NEDD4: variants seen among roughly 807,000 people sequenced by gnomAD.
NEDD4 encodes the protein NEDD4 E3 ubiquitin protein ligase, also known as E3 ubiquitin-protein ligase NEDD4.
In NEDD4, 99 loss-of-function variants were observed where a neutral mutation model predicts 144.9. That is an observed-to-expected ratio of 0.68 (90% CI 0.58 to 0.81). The LOEUF is 0.81. NEDD4 is among the 30% of genes least tolerant of loss of function. The pLI is 0.00. For missense variants in NEDD4, 985 were observed against 1,065.9 expected, an observed-to-expected ratio of 0.92 and a Z score of 1.06; for synonymous variants, 318 against 350.6, an observed-to-expected ratio of 0.91 and a Z score of 1.04.
At chr15:55,930,117 GT>G (rs1433538851) in intron 4 of NEDD4, among the ~76,000 whole-genome samples, 1 of 150,852 alleles carries the variant, frequency 6.6e-6, no homozygotes, top group Non-Finnish European at 1.5e-5. Flanking sequence ...ATTATGGCTT[GT>G]GTGCTAAATC....
At chr15:55,985,409 G>T (rs1390979816) in intron 1 of NEDD4, among the ~76,000 whole-genome samples, 1 of 152,190 alleles carries the variant, frequency 6.6e-6, no homozygotes, top group Non-Finnish European at 1.5e-5. Flanking sequence ...ACTGGCAAGG[G>T]TACTGAGGAG....
intron 5 of NEDD4, among the ~76,000 whole-genome samples, chr15:55,883,710 C>A (rs1475384280): frequency 6.7e-6 from 1 of 149,314 alleles, no homozygotes; most frequent in Non-Finnish European, 1.5e-5. Context: ...CACACACACA[C>A]ACACACACAC....
At chr15:55,900,984 T>C (rs1197474734) in intron 5 of NEDD4, among the ~76,000 whole-genome samples, 5 of 152,184 alleles carry the variant, frequency 3.3e-5, no homozygotes, top group African/African-American at 1.2e-4. Context: ...GATGTTTATT[T>C]TAATGTTTTC....
chr15:55,905,040 C>T lies in NEDD4; in HGVS notation c.291+19606G>A, dbSNP rs542308949. The stretch of plus-strand genomic sequence containing the variant: ...CCAGGAGGCAGAGGCTGCAGTGAGC[C>T]GAGATCGTGCCATTGTACTCCAGCC... On this transcript the variant is annotated intron_variant, in intron 5 of 28. Transcript: ENST00000435532. 8.0e-4 allele frequency among the ~76,000 whole-genome samples: 120 copies of T among 149,194 alleles called. 1 individual carries two copies. Among genetic ancestry groups the T allele is most frequent in the Admixed American group, 5.6e-3 (83 of 14,822 alleles).
intron 27 of NEDD4, among the ~76,000 whole-genome samples, chr15:55,831,839 G>A (rs1019721226): frequency 1.6e-4 from 24 of 152,154 alleles, no homozygotes; most frequent in Non-Finnish European, 3.4e-4. Context: ...CTTACTCATT[G>A]TTCTGAGTAG....
chr15:55,831,753 C>A (rs1281240067), intron 27 of NEDD4, among the ~76,000 whole-genome samples: 1 of 152,120 alleles, frequency 6.6e-6, no homozygotes, highest in Non-Finnish European at 1.5e-5. Context: ...TGGTCAGCTT[C>A]TATTTGCACA....
intron 5 of NEDD4, among the ~76,000 whole-genome samples, chr15:55,874,740 G>A (rs1308026174): frequency 6.6e-6 from 1 of 152,150 alleles, no homozygotes; most frequent in African/African-American, 2.4e-5. Flanking sequence ...TTGGGAGGCC[G>A]AGGTGGGCGG....
chr15:55,828,024 T>C lies in NEDD4; in HGVS notation c.*1873A>G, dbSNP rs1219815967. ...GTTAAGTAAGCTGCTTCAGTTCACATGGCTGGTGAGATATCAAACCAGGAC... is the reference window on the plus strand; with the variant it reads ...GTTAAGTAAGCTGCTTCAGTTCACACGGCTGGTGAGATATCAAACCAGGAC... On this transcript the variant is annotated 3_prime_UTR_variant, in exon 29 of 29. Transcript: ENST00000435532. The C allele has an allele frequency of 6.6e-6, 1 of 152,224 alleles. No individual in the cohort carries two copies. Among genetic ancestry groups the C allele is most frequent in the Non-Finnish European group, 1.5e-5 (1 of 68,050 alleles). 9.4% of individuals were successfully genotyped at this position (152,224 alleles called of 1,614,324 possible).
At chr15:55,833,396 G>T (rs1327304935) in intron 26 of NEDD4, among the ~76,000 whole-genome samples, 5 of 152,096 alleles carry the variant, frequency 3.3e-5, no homozygotes, top group Non-Finnish European at 7.4e-5. Flanking sequence ...AGTGGCTCAT[G>T]CCTATAATCC....
In NEDD4 at chr15:55,839,994, AAAAAAATATATATATATATATATATATAT is replaced by A. The variant is rs1417265742; in HGVS notation, c.2031+424_2031+452del. Among the ~76,000 whole-genome samples the A allele has an allele frequency of 2.4e-3, 96 of 39,306 alleles. 7 individuals are homozygous for A. The highest frequency in any genetic ancestry group is 0.014 in the East Asian group (13 of 924). The allele number at this position is 39,306 out of a possible 152,430, so 25.8% of individuals were successfully genotyped here. A position where few individuals can be genotyped will look rare whatever the true frequency, so the allele number is the denominator to read the frequency against. On this transcript the variant is annotated intron_variant, in intron 21 of 28. Transcript: ENST00000435532. ...GTCTCAAAAAAAAAAAAAAAAAAAAAAAAAAATATATATATATATATATATATATATATATATATATATATATAACATTC... is the reference window on the plus strand; with the variant it reads ...GTCTCAAAAAAAAAAAAAAAAAAAAAATATATATATATATATATAACATTC...
intron 7 of NEDD4, among the ~76,000 whole-genome samples, chr15:55,869,970 T>G (rs1055056243): frequency 1.1e-4 from 17 of 152,082 alleles, no homozygotes; most frequent in Admixed American, 2.6e-4. Flanking sequence ...AGCTGGCCTT[T>G]GAGTTGGGGT....
At chr15:55,909,377 C>T (rs2142185893) in intron 5 of NEDD4, among the ~76,000 whole-genome samples, 1 of 152,302 alleles carries the variant, frequency 6.6e-6, no homozygotes. Context: ...TCTCATTGAA[C>T]TGGGACAGAT....
At chr15:55,956,154 T>C (rs1221964940) in intron 2 of NEDD4, among the ~76,000 whole-genome samples, 3 of 152,114 alleles carry the variant, frequency 2.0e-5, no homozygotes, top group South Asian at 2.1e-4. Context: ...TGTGGGTACA[T>C]AGTAGGTGTA....
At chr15:55,988,474 TAAAAAAAAAAATTAA>T (rs2037932824) in intron 1 of NEDD4, among the ~76,000 whole-genome samples, 3 of 37,736 alleles carry the variant, frequency 7.9e-5, no homozygotes, top group African/African-American at 2.8e-4. Flanking sequence ...TAGAGTATAA[TAAAAAAAAAAATTAA>T]AAAAAAAAAA....
At chr15:55,964,559 A>G (rs57472279) in intron 2 of NEDD4, among the ~76,000 whole-genome samples, 20,419 of 151,490 alleles carry the variant, frequency 0.13, 1,491 homozygotes, top group East Asian at 0.32. Context: ...AATGCCTTCC[A>G]TTTTCCTGGT....
chr15:55,884,483 A>G (rs1423439866), intron 5 of NEDD4, among the ~76,000 whole-genome samples: 1 of 152,200 alleles, frequency 6.6e-6, no homozygotes, highest in Non-Finnish European at 1.5e-5. Flanking sequence ...AGAAACAGAG[A>G]TATATGTGAC....
At chr15:55,911,167 G>C (rs1224099380) in intron 5 of NEDD4, among the ~76,000 whole-genome samples, 1 of 152,140 alleles carries the variant, frequency 6.6e-6, no homozygotes, top group Admixed American at 6.5e-5. Flanking sequence ...TTTGCCCCTA[G>C]GGGACATCTG....
chr15:55,931,951 T>C (rs538619387), intron 4 of NEDD4, among the ~76,000 whole-genome samples: 3 of 152,340 alleles, frequency 2.0e-5, no homozygotes, highest in East Asian at 1.9e-4. Context: ...ATCTACTTTC[T>C]GTCTCCATAG....
chr15:55,944,993 AACCCCATCTGTATGTCACG>A (rs1357739317), intron 4 of NEDD4, among the ~76,000 whole-genome samples: 1 of 152,114 alleles, frequency 6.6e-6, no homozygotes, highest in African/African-American at 2.4e-5. Context: ...TACACACCAA[AACCCCATCTGTATGTCACG>A]AACGTCAAAG....
Sources: gnomAD v4.1 joint callset for allele counts (sites outside exome capture counted in the v4.1 genomes callset) on GRCh38, gnomAD v4.1.1 for gene constraint, MANE v1.5 for transcripts, NCBI Gene and HGNC (gene_info 2026-07-23, HGNC 2026-07-21) for gene names.